The following GSK3B variants were observed in gnomAD, a reference collection of about 807,000 sequenced individuals.
The protein encoded by GSK3B is glycogen synthase kinase-3 beta.
Under a neutral mutation model 56.4 loss-of-function variants are expected in GSK3B, and 15 were observed. The ratio of observed to expected loss-of-function variants is 0.27; its 90% CI spans 0.18 to 0.41. The LOEUF (loss-of-function observed/expected upper bound fraction) is 0.41. Ranked by LOEUF, GSK3B falls within the 10% of genes least tolerant of loss-of-function variation. The probability of loss-of-function intolerance (pLI) is 1.00; values close to 1 mark genes in which losing one functional copy is unlikely to be tolerated. For missense variants in GSK3B, 300 were observed against 513.4 expected (o/e 0.58, Z 4.02); for synonymous variants, 181 against 188.9 (o/e 0.96, Z 0.34).
intron 1 of GSK3B, among the ~76,000 whole-genome samples, chr3:120,005,315 A>C (rs997724189): frequency 6.6e-6 from 1 of 152,254 alleles, no homozygotes; most frequent in Admixed American, 6.5e-5. Context: ...TGTACCTGAA[A>C]GTGATGGGGA....
intron 1 of GSK3B, among the ~76,000 whole-genome samples, chr3:120,023,850 C>T (rs1317287601): frequency 6.6e-6 from 1 of 152,194 alleles, no homozygotes; most frequent in African/African-American, 2.4e-5. Context: ...TGATGCAGCA[C>T]CTTCCTGAAA....
Position 120,063,954 on chromosome 3 carries a change from T to C in GSK3B, c.88+29393A>G, listed in dbSNP as rs145174301. Among the ~76,000 whole-genome samples, 1,450 of 152,058 alleles carry C rather than the reference T, an allele frequency of 9.5e-3. 15 individuals carry two copies. Among genetic ancestry groups the C allele is most frequent in the South Asian group, 0.032 (155 of 4,814 alleles). Reference sequence around the variant, plus strand: ...GTGAGCCGATATTGTGCCACTGCACTCCAGCCTGGGCAACAGAGTGAGACT... The same window carrying C: ...GTGAGCCGATATTGTGCCACTGCACCCCAGCCTGGGCAACAGAGTGAGACT... On this transcript the variant is annotated intron_variant, in intron 1 of 10. Coordinates refer to ENST00000264235, the MANE Select transcript of GSK3B (RefSeq NM_001146156.2).
intron 1 of GSK3B, among the ~76,000 whole-genome samples, chr3:120,053,500 G>A (rs1429882722): frequency 6.6e-6 from 1 of 152,210 alleles, no homozygotes; most frequent in Admixed American, 6.5e-5. Context: ...CACATTTGTA[G>A]TAATAGGGAC....
At chr3:119,826,947 G>A in intron 10 of GSK3B, 92 bp from the exon 11 acceptor site, 2 of 762,994 alleles carry the variant, frequency 2.6e-6, no homozygotes, top group Non-Finnish European at 4.6e-6. Flanking sequence ...GCTGTGAACT[G>A]TATGGCCTTC....
intron 3 of GSK3B, among the ~76,000 whole-genome samples, chr3:119,931,001 CTT>C (rs1475376028): frequency 6.6e-6 from 1 of 152,202 alleles, no homozygotes; most frequent in Non-Finnish European, 1.5e-5. Flanking sequence ...AAAAAATGCT[CTT>C]GTTAAATTTA....
rs2056777386 is a variant in GSK3B at position 119,916,087 on chromosome 3, A to G, written c.565T>C (p.Leu189=). ...HRDIKPQNLL[L]DPDTAVLKLC... is the part of the protein sequence containing the mutation. ...TTTAATACAGCAGTATCAGGATCCA[A>G]CAAGAGGTTCTGCGGTTTAATATCC... Residue 189 remains leucine (L), a synonymous_variant, in exon 5 of 11, where the codon TTG becomes CTG. Coordinates refer to ENST00000264235, the MANE Select transcript of GSK3B (RefSeq NM_001146156.2). 7 of 1,613,288 alleles carry G rather than the reference A, an allele frequency of 4.3e-6. No homozygotes were observed. Among genetic ancestry groups the G allele is most frequent in the Non-Finnish European group, 5.9e-6 (7 of 1,179,452 alleles).
At chr3:119,977,167 A>T (rs1351378110) in intron 2 of GSK3B, among the ~76,000 whole-genome samples, 1 of 152,210 alleles carries the variant, frequency 6.6e-6, no homozygotes, top group East Asian at 1.9e-4. Context: ...TTAAAATTTT[A>T]AAAATGTATT....
chr3:119,856,905 C>T (rs1019796734), intron 9 of GSK3B, among the ~76,000 whole-genome samples: 55 of 152,076 alleles, frequency 3.6e-4, no homozygotes, highest in Admixed American at 3.0e-3. Flanking sequence ...AGGAATACCT[C>T]GGAGATACTA....
At chr3:119,932,157 T>A (rs149705488) in intron 3 of GSK3B, among the ~76,000 whole-genome samples, 2 of 152,178 alleles carry the variant, frequency 1.3e-5, no homozygotes, top group Non-Finnish European at 1.5e-5. Context: ...GATATAATTT[T>A]AAAAATCTGA....
At chr3:119,989,756 C>G (rs759299369) in intron 2 of GSK3B, among the ~76,000 whole-genome samples, 3 of 152,120 alleles carry the variant, frequency 2.0e-5, no homozygotes, top group African/African-American at 2.4e-5. Context: ...GAGCCCCCTT[C>G]TAATAATATG....
chr3:119,890,367 C>G (rs1426932786), intron 7 of GSK3B, among the ~76,000 whole-genome samples: 1 of 151,602 alleles, frequency 6.6e-6, no homozygotes, highest in Admixed American at 6.6e-5. Context: ...TGGTACTGAG[C>G]AAAAAAAGCC....
intron 9 of GSK3B, among the ~76,000 whole-genome samples, chr3:119,848,553 C>A (rs934858866): frequency 1.3e-5 from 2 of 152,082 alleles, no homozygotes; most frequent in South Asian, 2.1e-4. Flanking sequence ...ATTTTCATCA[C>A]CCCAAAGGGA....
intron 8 of GSK3B, among the ~76,000 whole-genome samples, chr3:119,871,798 C>T (rs2108043743): frequency 6.6e-6 from 1 of 152,238 alleles, no homozygotes; most frequent in African/African-American, 2.4e-5. Context: ...GCTGCATGGT[C>T]CCTTCAAAGT....
intron 10 of GSK3B, among the ~76,000 whole-genome samples, chr3:119,842,006 AATGGATCTG>A (rs2055777952): frequency 6.6e-6 from 1 of 152,136 alleles, no homozygotes; most frequent in South Asian, 2.1e-4. Flanking sequence ...CTTAGGCAAA[AATGGATCTG>A]ATCCAACTCA....
intron 3 of GSK3B, among the ~76,000 whole-genome samples, chr3:119,940,674 G>A (rs2057039492): frequency 6.6e-6 from 1 of 152,096 alleles, no homozygotes; most frequent in South Asian, 2.1e-4. Context: ...GCTCTTGGGT[G>A]AATGGCTTGA....
intron 3 of GSK3B, among the ~76,000 whole-genome samples, chr3:119,929,914 A>T (rs148961755): frequency 0.12 from 17,950 of 148,114 alleles, 1,291 homozygotes; most frequent in African/African-American, 0.2. Context: ...AAAAAAAAAA[A>T]AAAAATAATA....
chr3:120,010,935 A>T (rs532555706), intron 1 of GSK3B, among the ~76,000 whole-genome samples: 4 of 152,236 alleles, frequency 2.6e-5, no homozygotes, highest in African/African-American at 4.8e-5. Context: ...AAACACAGTG[A>T]TGCACACATG....
rs533338410 is a variant in GSK3B at position 119,862,914 on chromosome 3, G to C, written c.1096+505C>G. 5.9e-5 allele frequency among the ~76,000 whole-genome samples: 9 copies of C among 152,272 alleles called. No individual in the cohort carries two copies. The South Asian group carries it at 1.9e-3, about 32-fold the overall frequency. On this transcript the variant is annotated intron_variant, in intron 9 of 10. Coordinates refer to ENST00000264235, the MANE Select transcript of GSK3B (RefSeq NM_001146156.2). ...AGCAGCAGCAATGGTGCCAGTCTCA[G>C]AGGGGATGGAAATTTCCTTGTGTCT...
At position 120,093,127 on chromosome 3, in the gene GSK3B, A is replaced by G. The variant is rs575447502; in HGVS notation, c.88+220T>C. ...AAAGCAGTTTGAAATCGAATCATCC[A>G]AATAAATATCATATTATCTCAATTC... On this transcript the variant is annotated intron_variant, in intron 1 of 10. Transcript: ENST00000264235. Among the ~76,000 whole-genome samples the G allele has an allele frequency of 2.0e-5, 3 of 152,314 alleles. No homozygotes were observed. The South Asian group carries it at 6.2e-4, about 32-fold the overall frequency.
Sources: allele counts gnomAD v4.1 joint callset (sites outside exome capture counted in the v4.1 genomes callset), GRCh38; gene constraint gnomAD v4.1.1; transcripts MANE v1.5; gene names NCBI Gene and HGNC (gene_info 2026-07-23, HGNC 2026-07-21).